Variants in CSGALNACT2 observed in about 807,000 individuals in gnomAD.
The protein encoded by CSGALNACT2 is chondroitin sulfate N-acetylgalactosaminyltransferase 2.
In CSGALNACT2, 35 loss-of-function variants were observed where a neutral mutation model predicts 55.3. The ratio of observed to expected loss-of-function variants is 0.63; its 90% CI spans 0.48 to 0.84. The LOEUF (loss-of-function observed/expected upper bound fraction) is 0.84, where lower values mean the gene tolerates loss of function less well. CSGALNACT2 is among the 40% of genes least tolerant of loss of function. The pLI is 0.00. For synonymous variants in CSGALNACT2, 196 were observed against 224.9 expected (o/e 0.87, Z 1.15); for missense variants, 544 against 657.5 (o/e 0.83, Z 1.89).
chr10:43,170,591 ATAAATATTGAGTGAC>A (rs1839363204), intron 6 of CSGALNACT2, among the ~76,000 whole-genome samples: 1 of 152,258 alleles, frequency 6.6e-6, no homozygotes, highest in African/African-American at 2.4e-5. Context: ...GAATGAGCAG[ATAAATATTGAGTGAC>A]TAGACTAGAT....
chr10:43,166,605 C>T (rs1402123575), intron 5 of CSGALNACT2, among the ~76,000 whole-genome samples: 1 of 152,194 alleles, frequency 6.6e-6, no homozygotes, highest in African/African-American at 2.4e-5. Context: ...TTTACTCTTT[C>T]TAATGATTCA....
intron 1 of CSGALNACT2, among the ~76,000 whole-genome samples, chr10:43,147,982 A>G (rs1333374166): frequency 6.6e-6 from 1 of 152,074 alleles, no homozygotes; most frequent in East Asian, 1.9e-4. Flanking sequence ...CAAGGTCACA[A>G]ATATTTACAC....
At chr10:43,160,861 T>A (rs1162868399) in intron 4 of CSGALNACT2, among the ~76,000 whole-genome samples, 1 of 152,178 alleles carries the variant, frequency 6.6e-6, no homozygotes, top group African/African-American at 2.4e-5. Flanking sequence ...TTCCTTTTTT[T>A]AAAATCTAAT....
chr10:43,166,640 C>CGTTTCTAA (rs1839270770), intron 5 of CSGALNACT2, among the ~76,000 whole-genome samples: 1 of 152,126 alleles, frequency 6.6e-6, no homozygotes. Context: ...ATTTAACAGA[C>CGTTTCTAA]GTTTCTAAGT....
intron 4 of CSGALNACT2, chr10:43,162,833 A>G (rs1564515911): frequency 2.1e-6 from 2 of 941,542 alleles, no homozygotes; most frequent in Non-Finnish European, 2.5e-6. Flanking sequence ...ATGTTAACAC[A>G]GGAAGCTGAT....
chr10:43,145,388 C>T (rs1421492194), intron 1 of CSGALNACT2, among the ~76,000 whole-genome samples: 2 of 143,570 alleles, frequency 1.4e-5, no homozygotes. Flanking sequence ...TTCTAATTGG[C>T]GTAGCCTAAG....
Position 43,155,471 on chromosome 10 carries a change from G to A in CSGALNACT2, c.322G>A (p.Gly108Ser). 1 of 1,614,222 alleles carries A rather than the reference G, an allele frequency of 6.2e-7. No individual in the cohort carries two copies. Among genetic ancestry groups the A allele is most frequent in the Non-Finnish European group, 8.5e-7 (1 of 1,180,038 alleles). ...ERRNVGANGI[G>S]YQSNKEQAPS... ...AAGGAATGTAGGGGCTAATGGCATAGGCTATCAGAGCAACAAAGAGCAAGC... is the reference window on the plus strand; with the variant it reads ...AAGGAATGTAGGGGCTAATGGCATAAGCTATCAGAGCAACAAAGAGCAAGC... Residue 108 changes from glycine (G) to serine (S), a missense_variant, in exon 2 of 8, where the codon GGC (glycine) becomes AGC (serine). Transcript: ENST00000374466.
chr10:43,172,764 C>T (rs2133146791), intron 6 of CSGALNACT2, among the ~76,000 whole-genome samples: 1 of 152,282 alleles, frequency 6.6e-6, no homozygotes, highest in Admixed American at 6.5e-5. Context: ...ATAATGCATG[C>T]CACGTGGATC....
intron 7 of CSGALNACT2, among the ~76,000 whole-genome samples, chr10:43,178,911 T>A (rs1839535686): frequency 1.3e-5 from 2 of 152,142 alleles, no homozygotes; most frequent in South Asian, 4.1e-4. Context: ...TTATTTCTCT[T>A]CATTCTTTTC....
chr10:43,172,511 C>T (rs964455684), intron 6 of CSGALNACT2, among the ~76,000 whole-genome samples: 12 of 152,122 alleles, frequency 7.9e-5, no homozygotes, highest in African/African-American at 2.4e-4. Flanking sequence ...GTGCTGCAGT[C>T]GAGTGCCTGT....
intron 6 of CSGALNACT2, among the ~76,000 whole-genome samples, chr10:43,169,164 C>T (rs1056994278): frequency 9.2e-5 from 14 of 152,158 alleles, no homozygotes; most frequent in Non-Finnish European, 7.4e-5. Flanking sequence ...CTACTGTTAG[C>T]GCATTCCCCC....
chr10:43,177,326 A>G (rs1365214357), intron 7 of CSGALNACT2, among the ~76,000 whole-genome samples: 1 of 152,176 alleles, frequency 6.6e-6, no homozygotes, highest in Non-Finnish European at 1.5e-5. Flanking sequence ...TTTAAAGTGT[A>G]CGGTTAACCA....
rs1838544833 is a variant in CSGALNACT2 at position 43,138,568 on chromosome 10, G to T, written c.-254+1G>T. On this transcript the variant is annotated splice_donor_variant, in intron 1 of 7. Coordinates refer to ENST00000374466, the MANE Select transcript of CSGALNACT2 (RefSeq NM_018590.5). LOFTEE classifies it low-confidence loss of function (5UTR_SPLICE). Reference sequence around the variant, plus strand: ...GTGGAGCGCAGAGCGGGCGAGCGCGGTGAGTACCTGGCCCGGCCTCGCCCG... The same window carrying T: ...GTGGAGCGCAGAGCGGGCGAGCGCGTTGAGTACCTGGCCCGGCCTCGCCCG... 1 of 150,860 alleles carries T rather than the reference G, an allele frequency of 6.6e-6. No individual in the cohort carries two copies. Among genetic ancestry groups the T allele is most frequent in the South Asian group, 2.1e-4 (1 of 4,824 alleles). The allele number at this position is 150,860 out of a possible 1,614,324, so 9.3% of individuals were successfully genotyped here. A position where few individuals can be genotyped will look rare whatever the true frequency, so the allele number is the denominator to read the frequency against.
At chr10:43,179,518 A>T (rs755665951) in intron 7 of CSGALNACT2, among the ~76,000 whole-genome samples, 7 of 151,986 alleles carry the variant, frequency 4.6e-5, no homozygotes, top group Non-Finnish European at 7.4e-5. Flanking sequence ...CTGTGCAGTT[A>T]TCCTAGGATG....
chr10:43,139,422 T>G (rs996900490), intron 1 of CSGALNACT2, among the ~76,000 whole-genome samples: 1 of 152,240 alleles, frequency 6.6e-6, no homozygotes, highest in Non-Finnish European at 1.5e-5. Flanking sequence ...TTCCAGTATT[T>G]GTGGCTCAGA....
At chr10:43,173,138 T>C (rs1839414905) in intron 6 of CSGALNACT2, among the ~76,000 whole-genome samples, 2 of 152,208 alleles carry the variant, frequency 1.3e-5, no homozygotes, top group East Asian at 3.8e-4. Flanking sequence ...GGGAGATGAT[T>C]GTGGCTTGGG....
chr10:43,152,970 A>G (rs888183524), intron 1 of CSGALNACT2, among the ~76,000 whole-genome samples: 1 of 152,166 alleles, frequency 6.6e-6, no homozygotes, highest in Non-Finnish European at 1.5e-5. Context: ...TTTTTTGATT[A>G]GATGGTATTT....
intron 1 of CSGALNACT2, among the ~76,000 whole-genome samples, chr10:43,154,412 T>C (rs1838948922): frequency 6.6e-6 from 1 of 152,208 alleles, no homozygotes. Flanking sequence ...GTATTATACA[T>C]AGTTTATTGT....
intron 1 of CSGALNACT2, among the ~76,000 whole-genome samples, chr10:43,150,076 T>A (rs1187459100): frequency 2.0e-5 from 3 of 152,120 alleles, no homozygotes; most frequent in Non-Finnish European, 4.4e-5. Context: ...TCAAAAAAAA[T>A]AATAGTAATA....
Sources: allele counts gnomAD v4.1 joint callset (sites outside exome capture counted in the v4.1 genomes callset), GRCh38; gene constraint gnomAD v4.1.1; transcripts MANE v1.5; gene names NCBI Gene and HGNC (gene_info 2026-07-23, HGNC 2026-07-21).